The following APELA variants were observed in gnomAD, a reference collection of about 807,000 sequenced individuals.
The protein encoded by APELA is protein Elabela.
At chr4:164,891,960 T>A (rs1730891398) in intron 2 of APELA, among the ~76,000 whole-genome samples, 1 of 152,166 alleles carries the variant, frequency 6.6e-6, no homozygotes, top group African/African-American at 2.4e-5. Context: ...GATTGATGAA[T>A]GTTGTTATTA....
rs1343672484 is a variant in APELA, at chr4:164,895,943, A to T, written c.*529A>T. On this transcript the variant is annotated 3_prime_UTR_variant, in exon 3 of 3. Transcript: ENST00000507152. ...GTTCATTGATTATATAGAGAGAAAG[A>T]CTAAGAAAAGCTATTAATTGCTACC... 2 of 152,232 alleles carry T rather than the reference A, an allele frequency of 1.3e-5. No individual in the cohort carries two copies. The highest frequency in any genetic ancestry group is 6.5e-5 in the Admixed American group (1 of 15,288). 9.4% of individuals were successfully genotyped at this position (152,232 alleles called of 1,614,324 possible). A position where few individuals can be genotyped will look rare whatever the true frequency, so the allele number is the denominator to read the frequency against.
intron 2 of APELA, among the ~76,000 whole-genome samples, chr4:164,881,510 T>G (rs555383036): frequency 2.7e-5 from 4 of 149,318 alleles, no homozygotes; most frequent in Admixed American, 6.8e-5. Flanking sequence ...GAAAATTACA[T>G]GCTGTATGCC....
chr4:164,895,249 C>T (rs1348605991), intron 2 of APELA, among the ~76,000 whole-genome samples, 167 bp from the exon 3 acceptor site: 3 of 152,040 alleles, frequency 2.0e-5, no homozygotes, highest in Non-Finnish European at 4.4e-5. Flanking sequence ...CACATAGGTG[C>T]TGCATTTCTA....
intron 2 of APELA, among the ~76,000 whole-genome samples, chr4:164,891,017 T>A (rs1730872011): frequency 6.6e-6 from 1 of 152,192 alleles, no homozygotes; most frequent in African/African-American, 2.4e-5. Context: ...GATATTTGTG[T>A]CTCTTTGGAG....
intron 2 of APELA, among the ~76,000 whole-genome samples, chr4:164,893,210 T>C (rs916205127): frequency 2.0e-5 from 3 of 152,182 alleles, no homozygotes; most frequent in Non-Finnish European, 4.4e-5. Flanking sequence ...AATTGGGATC[T>C]TTCTTCTCTT....
intron 2 of APELA, among the ~76,000 whole-genome samples, chr4:164,882,264 C>A (rs368192392): frequency 2.6e-5 from 4 of 151,898 alleles, no homozygotes; most frequent in African/African-American, 7.3e-5. Context: ...CCACCATACT[C>A]GGCTAATTTT....
At chr4:164,885,187 G>A (rs1430869938) in intron 2 of APELA, among the ~76,000 whole-genome samples, 3 of 152,100 alleles carry the variant, frequency 2.0e-5, no homozygotes, top group African/African-American at 4.8e-5. Context: ...CTGGAGTGCA[G>A]TGGTGTGATC....
intron 1 of APELA, among the ~76,000 whole-genome samples, chr4:164,878,066 C>T (rs1372889916): frequency 6.8e-6 from 1 of 146,588 alleles, no homozygotes; most frequent in East Asian, 2.0e-4. Flanking sequence ...AAATTTAGTA[C>T]ACAAAAGTAT....
chr4:164,886,557 G>A (rs1261345567), intron 2 of APELA, among the ~76,000 whole-genome samples: 1 of 152,000 alleles, frequency 6.6e-6, no homozygotes, highest in Non-Finnish European at 1.5e-5. Flanking sequence ...TGAGGTGGGA[G>A]GATTGCTTGA....
At chr4:164,879,071 G>A (rs73871517) in intron 2 of APELA, 62 bp downstream of exon 2, 6,836 of 398,484 alleles carry the variant, frequency 0.017, 355 homozygotes, top group African/African-American at 0.12. Flanking sequence ...GATATACCAG[G>A]AAATGTTTCT....
chr4:164,885,199 C>T (rs1259215093), intron 2 of APELA, among the ~76,000 whole-genome samples: 1 of 152,068 alleles, frequency 6.6e-6, no homozygotes, highest in Non-Finnish European at 1.5e-5. Context: ...GGTGTGATCT[C>T]AGCTCACTGC....
At chr4:164,890,746 C>G (rs1730864150) in intron 2 of APELA, among the ~76,000 whole-genome samples, 1 of 152,154 alleles carries the variant, frequency 6.6e-6, no homozygotes, top group Non-Finnish European at 1.5e-5. Context: ...TTTCAGTTCT[C>G]TGGGAATTAA....
At chr4:164,889,981 C>T (rs1730849690) in intron 2 of APELA, among the ~76,000 whole-genome samples, 1 of 152,104 alleles carries the variant, frequency 6.6e-6, no homozygotes, top group Non-Finnish European at 1.5e-5. Flanking sequence ...ACTTCAGCAT[C>T]CATGGATTTT....
Position 164,895,481 on chromosome 4 carries a change from C to T in APELA, c.*67C>T, listed in dbSNP as rs2111071994. The T allele has an allele frequency of 6.6e-6, 1 of 152,280 alleles. No individual in the cohort carries two copies. The highest frequency in any genetic ancestry group is 1.5e-5 in the Non-Finnish European group (1 of 68,032). The allele number at this position is 152,280 out of a possible 1,614,324, so 9.4% of individuals were successfully genotyped here. On this transcript the variant is annotated 3_prime_UTR_variant, in exon 3 of 3. Coordinates refer to ENST00000507152, the MANE Select transcript of APELA (RefSeq NM_001297550.2). ...GAGGAGTGAAGGAAAGACACCCAGC[C>T]ACACAAAAGAACTTCATGATGCCAA...
chr4:164,884,137 AAGAAAGAAAGAAAGAAAGAAAGGAGAAG>A (rs1730720524), intron 2 of APELA, among the ~76,000 whole-genome samples: 2 of 149,408 alleles, frequency 1.3e-5, no homozygotes, highest in African/African-American at 5.1e-5. Context: ...GAAAGAAAGA[AAGAAAGAAAGAAAGAAAGAAAGGAGAAG>A]AGAAAGAAAG....
chr4:164,895,607 T>A lies in APELA; in HGVS notation c.*193T>A, dbSNP rs951248089. On this transcript the variant is annotated 3_prime_UTR_variant, in exon 3 of 3. Transcript: ENST00000507152. The stretch of plus-strand genomic sequence containing the variant: ...AGGATTTTATTCTTCTTGGCTTCTA[T>A]TTGGAGGGAAAATAACATAAATTCA... 6.6e-6 allele frequency: 1 copy of A among 152,230 alleles called. No homozygotes were observed. Among genetic ancestry groups the A allele is most frequent in the Non-Finnish European group, 1.5e-5 (1 of 68,034 alleles). The allele number at this position is 152,230 out of a possible 1,614,324, so 9.4% of individuals were successfully genotyped here.
At chr4:164,891,813 C>A (rs1164915005) in intron 2 of APELA, among the ~76,000 whole-genome samples, 1 of 152,108 alleles carries the variant, frequency 6.6e-6, no homozygotes, top group African/African-American at 2.4e-5. Flanking sequence ...TGATAAGAAC[C>A]TCCAAAGTAG....
intron 2 of APELA, among the ~76,000 whole-genome samples, 152 bp from the exon 3 acceptor site, chr4:164,895,264 A>G (rs1471870943): frequency 4.6e-5 from 7 of 152,198 alleles, no homozygotes; most frequent in Non-Finnish European, 8.8e-5. Context: ...TTTCTATTGG[A>G]AGGTAAGAAT....
At chr4:164,882,244 C>T (rs1446009514) in intron 2 of APELA, among the ~76,000 whole-genome samples, 3 of 152,078 alleles carry the variant, frequency 2.0e-5, no homozygotes, top group Non-Finnish European at 2.9e-5. Context: ...GCTGGGATTA[C>T]AGGCATGCAC....
Sources: gnomAD v4.1 joint callset for allele counts (sites outside exome capture counted in the v4.1 genomes callset) on GRCh38, gnomAD v4.1.1 for gene constraint, MANE v1.5 for transcripts, NCBI Gene and HGNC (gene_info 2026-07-23, HGNC 2026-07-21) for gene names.